The following DOCK3 variants were observed in gnomAD, a reference collection of about 807,000 sequenced individuals.
The protein encoded by DOCK3 is dedicator of cytokinesis 3.
A neutral mutation model predicts 265.6 loss-of-function variants in DOCK3; 60 were observed. The ratio of observed to expected loss-of-function variants is 0.23; its 90% CI spans 0.18 to 0.28. DOCK3 has a LOEUF of 0.28. DOCK3 is among the 10% of genes least tolerant of loss of function. The pLI, the probability that DOCK3 is intolerant of heterozygous loss-of-function variation, is 1.00. For synonymous variants in DOCK3, 881 were observed against 938.0 expected, an observed-to-expected ratio of 0.94 and a Z score of 1.11; for missense variants, 1,981 against 2,594.3, an observed-to-expected ratio of 0.76 and a Z score of 5.14.
At chr3:50,739,317 G>T (rs2038861203) in intron 1 of DOCK3, among the ~76,000 whole-genome samples, 1 of 151,870 alleles carries the variant, frequency 6.6e-6, no homozygotes, top group African/African-American at 2.4e-5. Flanking sequence ...CCTTAACTGT[G>T]TTTATTTTTT....
Position 51,381,275 on chromosome 3 carries a change from T to C in DOCK3, c.5809T>C (p.Tyr1937His), listed in dbSNP as rs2088615307. Residue 1937 changes from tyrosine to histidine, a missense_variant, in exon 53 of 53, where the codon TAC becomes CAC. Around this residue, in one of 4 missense-constraint regions of DOCK3, gnomAD observed 149 missense variants for 144.7 expected, o/e 1.03. Transcript: ENST00000266037. The surrounding 1 kb of genome is among the most constrained non-coding windows in gnomAD (Gnocchi z 5.6). The stretch of plus-strand genomic sequence containing the variant: ...TGAGCCACCCTACCTCCCTGTCCAC[T>C]ACAGCCTCTCTGAGTCTGCCGTCCT... ...DLEPPYLPVH[Y>H]SLSESAVLDS... 6.2e-7 allele frequency: 1 copy of C among 1,613,774 alleles called. No individual in the cohort carries two copies. Among genetic ancestry groups the C allele is most frequent in the Non-Finnish European group, 8.5e-7 (1 of 1,179,868 alleles).
intron 1 of DOCK3, among the ~76,000 whole-genome samples, chr3:50,686,005 A>G (rs188093157): frequency 6.6e-6 from 1 of 152,282 alleles, no homozygotes; most frequent in African/African-American, 2.4e-5. Context: ...TAGTTTTTCC[A>G]TGGACAGGAT....
intron 4 of DOCK3, among the ~76,000 whole-genome samples, chr3:50,924,600 T>G (rs1394221424): frequency 1.3e-5 from 2 of 152,206 alleles, no homozygotes; most frequent in Non-Finnish European, 2.9e-5. Context: ...TCATCCTCTT[T>G]GTCATGAATG....
intron 35 of DOCK3, chr3:51,336,830 C>T: frequency 2.2e-6 from 1 of 455,130 alleles, no homozygotes; most frequent in Non-Finnish European, 4.4e-6. Flanking sequence ...AGAAGTTAAT[C>T]CGTGGTAAAT....
intron 3 of DOCK3, among the ~76,000 whole-genome samples, chr3:50,854,336 TC>T (rs886590568): frequency 1.3e-5 from 2 of 152,042 alleles, no homozygotes; most frequent in African/African-American, 4.8e-5. Context: ...TTTGTTTTTT[TC>T]ATATTTGCTC....
At position 51,045,824 on chromosome 3, in the gene DOCK3, T is replaced by C. The variant is rs1048411940; in HGVS notation, c.316-18624T>C. 2.0e-5 allele frequency among the ~76,000 whole-genome samples: 3 copies of C among 152,192 alleles called. 1 individual carries two copies. In the South Asian group the frequency reaches 6.2e-4, roughly 32 times the overall value. ...TGAGATATTTCATTTATTTAAAATA[T>C]CAAGTCATTCTTACCATGAGCATCT... On this transcript the variant is annotated intron_variant, in intron 5 of 52. Coordinates refer to ENST00000266037, the MANE Select transcript of DOCK3 (RefSeq NM_004947.5).
chr3:51,358,793 A>G (rs1475951289), intron 46 of DOCK3, among the ~76,000 whole-genome samples: 1 of 152,214 alleles, frequency 6.6e-6, no homozygotes, highest in Non-Finnish European at 1.5e-5. Context: ...GGACTTAAAC[A>G]CACAAACAGG....
At chr3:51,284,992 C>T (rs1283749495) in intron 27 of DOCK3, among the ~76,000 whole-genome samples, 1 of 152,162 alleles carries the variant, frequency 6.6e-6, no homozygotes, top group African/African-American at 2.4e-5. Context: ...TCAGCTTTAT[C>T]ATGAAGATAC....
At chr3:51,309,610 A>AGGGAGAGGGAGACCGTG (rs2082939774) in intron 27 of DOCK3, among the ~76,000 whole-genome samples, 1 of 120,226 alleles carries the variant, frequency 8.3e-6, no homozygotes, top group Non-Finnish European at 1.7e-5. Context: ...GGAGAGGGAG[A>AGGGAGAGGGAGACCGTG]GGGAGAGGGA....
intron 5 of DOCK3, among the ~76,000 whole-genome samples, chr3:50,940,348 C>G (rs1259307737): frequency 6.8e-6 from 1 of 146,780 alleles, no homozygotes; most frequent in Non-Finnish European, 1.5e-5. Context: ...ATAAATCCAA[C>G]AGAACATGCA....
intron 3 of DOCK3, among the ~76,000 whole-genome samples, chr3:50,871,716 C>G (rs917590549): frequency 2.0e-5 from 3 of 151,984 alleles, no homozygotes; most frequent in Non-Finnish European, 4.4e-5. Flanking sequence ...ATTCTTTTAA[C>G]TTTTGTCTCC....
intron 5 of DOCK3, among the ~76,000 whole-genome samples, chr3:51,036,855 G>A (rs4566574): frequency 1.3e-5 from 2 of 152,020 alleles, no homozygotes; most frequent in African/African-American, 4.8e-5. Flanking sequence ...ATTAAATCTC[G>A]AGATCTGATG....
chr3:50,687,823 A>G (rs2034938729), intron 1 of DOCK3, among the ~76,000 whole-genome samples: 1 of 152,218 alleles, frequency 6.6e-6, no homozygotes, highest in Non-Finnish European at 1.5e-5. Context: ...GTAATCATTC[A>G]AAGACTTGAA....
chr3:50,678,852 C>T (rs1398015575), intron 1 of DOCK3, among the ~76,000 whole-genome samples: 1 of 151,936 alleles, frequency 6.6e-6, no homozygotes, highest in African/African-American at 2.4e-5. Context: ...CTCTGTCGTC[C>T]AGGCTGGAGT....
intron 1 of DOCK3, among the ~76,000 whole-genome samples, chr3:50,749,265 T>C (rs2108294066): frequency 6.6e-6 from 1 of 152,358 alleles, no homozygotes; most frequent in Admixed American, 6.5e-5. Flanking sequence ...ATTTAATATT[T>C]ACATAGCTGT....
chr3:51,061,455 T>C lies in DOCK3; in HGVS notation c.316-2993T>C, dbSNP rs371684028. Among the ~76,000 whole-genome samples, 235 of 151,808 alleles carry C rather than the reference T, an allele frequency of 1.5e-3. 2 individuals carry two copies. Among genetic ancestry groups the C allele is most frequent in the East Asian group, 8.2e-3 (42 of 5,126 alleles). On this transcript the variant is annotated intron_variant, in intron 5 of 52. Coordinates refer to ENST00000266037, the MANE Select transcript of DOCK3 (RefSeq NM_004947.5). ...GAAACCACCATTCTCAGCAAACTAT[T>C]GCAAGGACAAAAAACCAAACACCGC...
At chr3:51,196,823 A>G (rs984312304) in intron 12 of DOCK3, among the ~76,000 whole-genome samples, 1 of 152,228 alleles carries the variant, frequency 6.6e-6, no homozygotes, top group Non-Finnish European at 1.5e-5. Context: ...GAGCTTCTGT[A>G]AAATCAAAAT....
intron 2 of DOCK3, among the ~76,000 whole-genome samples, chr3:50,783,727 T>TG (rs540452530): frequency 3.7e-4 from 57 of 152,256 alleles, no homozygotes; most frequent in African/African-American, 1.3e-3. Flanking sequence ...CATTTATCTT[T>TG]GTTTTTGTTT....
At chr3:50,787,172 G>A in intron 2 of DOCK3, 2 of 646,700 alleles carry the variant, frequency 3.1e-6, no homozygotes, top group Non-Finnish European at 5.6e-6. Context: ...CACTTTCCAG[G>A]ACAAACTTAT....
Sources: gnomAD v4.1 joint callset for allele counts (sites outside exome capture counted in the v4.1 genomes callset) on GRCh38, gnomAD v4.1.1 for gene constraint, gnomAD v4.1.1 regional missense constraint, Gnocchi (gnomAD v3.1) non-coding constraint, MANE v1.5 for transcripts, NCBI Gene and HGNC (gene_info 2026-07-23, HGNC 2026-07-21) for gene names.